ANK2: variants seen among roughly 807,000 people sequenced by gnomAD.
The protein encoded by ANK2 is ankyrin 2, also known as ankyrin-2.
In ANK2, 83 loss-of-function variants were observed where a neutral mutation model predicts 360.5. That is an observed-to-expected ratio of 0.23 (90% CI 0.19 to 0.28). The LOEUF (loss-of-function observed/expected upper bound fraction) is 0.28, where lower values mean the gene tolerates loss of function less well. Among genes scored for constraint, ANK2 ranks in the 10% least tolerant of loss-of-function variants. The pLI, the probability that ANK2 is intolerant of heterozygous loss-of-function variation, is 1.00. For synonymous variants in ANK2, 1,740 were observed against 1,759.5 expected (o/e 0.99, Z 0.28); for missense variants, 4,201 against 4,795.7 (o/e 0.88, Z 3.66).
intron 2 of ANK2, among the ~76,000 whole-genome samples, chr4:112,944,587 C>G (rs189998273): frequency 1.8e-4 from 27 of 152,294 alleles, no homozygotes; most frequent in African/African-American, 6.3e-4. Context: ...GTCCCACCCC[C>G]CTTCCCCATT....
upstream of ANK2, among the ~76,000 whole-genome samples, chr4:113,048,987 C>T (rs536361658): frequency 1.9e-4 from 28 of 150,586 alleles, no homozygotes; most frequent in African/African-American, 6.4e-4. Context: ...AGCTCTTGGC[C>T]TATCAAGAAA....
intron 1 of ANK2, among the ~76,000 whole-genome samples, chr4:113,061,010 A>G (rs1018731640): frequency 1.3e-5 from 2 of 152,128 alleles, no homozygotes; most frequent in Admixed American, 6.6e-5. Context: ...ATCTCATTAC[A>G]CAGCAGGGAC....
intron 1 of ANK2, among the ~76,000 whole-genome samples, chr4:113,155,510 A>G (rs2097253689): frequency 6.6e-6 from 1 of 152,184 alleles, no homozygotes; most frequent in Non-Finnish European, 1.5e-5. Flanking sequence ...GACTTGGAAA[A>G]TTTCAAATAA....
chr4:113,340,131 T>C (rs2094096671), intron 32 of ANK2, among the ~76,000 whole-genome samples: 1 of 152,198 alleles, frequency 6.6e-6, no homozygotes, highest in South Asian at 2.1e-4. Flanking sequence ...TTCAATGTGT[T>C]TTGCCAATTT....
chr4:113,202,872 T>C (rs969367479), intron 4 of ANK2, among the ~76,000 whole-genome samples: 3 of 152,188 alleles, frequency 2.0e-5, no homozygotes, highest in Non-Finnish European at 4.4e-5. Context: ...TGTAATTGAT[T>C]TAGTAACAAT....
chr4:112,785,593 G>A, the ANK2 span, among the ~76,000 whole-genome samples: 43,917 of 151,632 alleles, frequency 0.29, 6,515 homozygotes, highest in East Asian at 0.35. Flanking sequence ...GGCTAGTCTC[G>A]AACACCTGAC....
rs897701733 is a variant in ANK2, at chr4:113,229,641, A to G, written c.385-2520A>G. ...AAGTGTGAGTGAGCACTGGAGCCAC[A>G]CTTGGGAACACGTAGGCAGGGATTC... On this transcript the variant is annotated intron_variant, in intron 4 of 45. Transcript: ENST00000357077. 2.6e-5 allele frequency among the ~76,000 whole-genome samples: 4 copies of G among 152,276 alleles called. No homozygotes were observed. In the East Asian group the frequency reaches 7.7e-4, roughly 29 times the overall value.
At chr4:113,293,353 C>A in intron 21 of ANK2, 87 bp from the exon 22 acceptor site, 1 of 1,145,910 alleles carries the variant, frequency 8.7e-7, no homozygotes, top group Non-Finnish European at 1.3e-6. Context: ...GAAATGCTGG[C>A]TGATGCAGAG....
intron 1 of ANK2, among the ~76,000 whole-genome samples, chr4:113,142,786 C>A (rs2096681172): frequency 6.6e-6 from 1 of 151,850 alleles, no homozygotes; most frequent in Non-Finnish European, 1.5e-5. Flanking sequence ...AAAGTGTATT[C>A]CAACAGTTGT....
chr4:113,086,715 C>T (rs1247794042), intron 1 of ANK2, among the ~76,000 whole-genome samples: 1 of 152,162 alleles, frequency 6.6e-6, no homozygotes, highest in Non-Finnish European at 1.5e-5. Flanking sequence ...GCTCTTCAAA[C>T]TTGGGGAGTT....
At chr4:112,791,462 TA>T in the ANK2 span, among the ~76,000 whole-genome samples, 18,361 of 114,262 alleles carry the variant, frequency 0.16, 1,010 homozygotes, top group East Asian at 0.37. Context: ...GAAAGCCTCT[TA>T]CTTCTTCTTC....
intron 1 of ANK2, among the ~76,000 whole-genome samples, chr4:113,144,053 A>G (rs2096740625): frequency 6.6e-6 from 1 of 152,188 alleles, no homozygotes; most frequent in Non-Finnish European, 1.5e-5. Flanking sequence ...TGTTCCTTTT[A>G]ACATGAATGG....
At chr4:113,194,407 A>G (rs2098718178) in intron 2 of ANK2, among the ~76,000 whole-genome samples, 3 of 152,190 alleles carry the variant, frequency 2.0e-5, no homozygotes, top group Non-Finnish European at 4.4e-5. Context: ...CTAGCTTTAT[A>G]TGATCACAGA....
At chr4:112,719,683 G>T in the ANK2 span, among the ~76,000 whole-genome samples, 5 of 149,356 alleles carry the variant, frequency 3.3e-5, no homozygotes, top group African/African-American at 2.5e-5. Flanking sequence ...AGCTGAGATC[G>T]CCGATTACAC....
intron 11 of ANK2, among the ~76,000 whole-genome samples, chr4:113,257,503 C>T (rs2050159729): frequency 6.6e-6 from 1 of 152,132 alleles, no homozygotes; most frequent in African/African-American, 2.4e-5. Flanking sequence ...AATATAGCTT[C>T]TGTATGTAAA....
chr4:113,078,453 G>A (rs970619123), intron 1 of ANK2, among the ~76,000 whole-genome samples: 1 of 152,156 alleles, frequency 6.6e-6, no homozygotes, highest in South Asian at 2.1e-4. Context: ...GGGAAATAAG[G>A]TCAAGTGAAG....
chr4:112,924,368 A>G (rs1453790069), intron 2 of ANK2, among the ~76,000 whole-genome samples: 1 of 150,868 alleles, frequency 6.6e-6, no homozygotes, highest in East Asian at 1.9e-4. Flanking sequence ...ACTTCATCTC[A>G]GAAAAAAAAA....
intron 1 of ANK2, among the ~76,000 whole-genome samples, chr4:113,062,221 A>C (rs77882390): frequency 2.6e-5 from 4 of 152,052 alleles, no homozygotes; most frequent in African/African-American, 9.7e-5. Context: ...TTAACTCTCT[A>C]TGTCAGGATC....
rs148199145 is a variant in ANK2 at position 113,271,341 on chromosome 4, G to A, written c.1486-3111G>A. Among the ~76,000 whole-genome samples, 229 of 152,308 alleles carry A rather than the reference G, an allele frequency of 1.5e-3. 1 individual carries two copies. Among genetic ancestry groups the A allele is most frequent in the African/African-American group, 5.1e-3 (212 of 41,566 alleles). On this transcript the variant is annotated intron_variant, in intron 14 of 45. Coordinates refer to ENST00000357077, the MANE Select transcript of ANK2 (RefSeq NM_001148.6). ...GCCCTTCTAGAACCACATGGAATAT[G>A]GGATGTCCGTTTCCCCCAAATGAGG...
Sources: allele counts gnomAD v4.1 joint callset (sites outside exome capture counted in the v4.1 genomes callset), GRCh38; gene constraint gnomAD v4.1.1; transcripts MANE v1.5; gene names NCBI Gene and HGNC (gene_info 2026-07-23, HGNC 2026-07-21).